The following CSMD2 variants were observed in gnomAD, a reference collection of about 807,000 sequenced individuals.
The protein encoded by CSMD2 is CUB and Sushi multiple domains 2.
In CSMD2, 130 loss-of-function variants were observed where a neutral mutation model predicts 398.5. The observed-to-expected ratio is 0.33, with a 90% confidence interval of 0.28 to 0.38. The LOEUF (loss-of-function observed/expected upper bound fraction) is 0.38, where lower values mean the gene tolerates loss of function less well. Ranked by LOEUF, CSMD2 falls within the 10% of genes least tolerant of loss-of-function variation. The probability of loss-of-function intolerance (pLI) is 1.00; values close to 1 mark genes in which losing one functional copy is unlikely to be tolerated. For synonymous variants in CSMD2, 1,828 were observed against 1,908.5 expected, an observed-to-expected ratio of 0.96 and a Z score of 1.10; for missense variants, 3,829 against 4,764.9, an observed-to-expected ratio of 0.80 and a Z score of 5.78.
intron 10 of CSMD2, among the ~76,000 whole-genome samples, chr1:33,808,776 G>A (rs1482189324): frequency 1.3e-5 from 2 of 151,610 alleles, no homozygotes; most frequent in Non-Finnish European, 3.0e-5. Flanking sequence ...TATATTAAAA[G>A]GAATAGTAAG....
At chr1:33,967,820 C>A (rs561425791) in intron 3 of CSMD2, among the ~76,000 whole-genome samples, 1 of 152,076 alleles carries the variant, frequency 6.6e-6, no homozygotes, top group Non-Finnish European at 1.5e-5. Context: ...AGAACCTCCA[C>A]GGGGCAGGAT....
chr1:34,066,036 G>A lies in CSMD2; in HGVS notation c.404+22941C>T, dbSNP rs527734803. 7.9e-5 allele frequency among the ~76,000 whole-genome samples: 12 copies of A among 152,242 alleles called. 1 individual carries two copies. In the South Asian group the frequency reaches 1.5e-3, roughly 18 times the overall value. On this transcript the variant is annotated intron_variant, in intron 2 of 70. Transcript: ENST00000373381. ...ACCTGGATCAGCCAGCTGTGTGACCGTAGGAAGACACTTCCTCCCTCCCTT... is the reference window on the plus strand; with the variant it reads ...ACCTGGATCAGCCAGCTGTGTGACCATAGGAAGACACTTCCTCCCTCCCTT...
Position 33,820,459 on chromosome 1 carries a change from T to A in CSMD2, c.1199+10A>T. 1 of 1,594,536 alleles carries A rather than the reference T, an allele frequency of 6.3e-7. No individual in the cohort carries two copies. Among genetic ancestry groups the A allele is most frequent in the Non-Finnish European group, 8.6e-7 (1 of 1,164,826 alleles). ...TTCTTGCAATCAGAAAATTCCCAAATAGATCTTACCTGAAATCCGAGCCTA... is the reference window on the plus strand; with the variant it reads ...TTCTTGCAATCAGAAAATTCCCAAAAAGATCTTACCTGAAATCCGAGCCTA... On this transcript the variant is annotated intron_variant, in intron 8 of 70. Transcript: ENST00000373381.
chr1:33,866,081 A>G (rs1640011457), intron 5 of CSMD2, among the ~76,000 whole-genome samples: 1 of 152,174 alleles, frequency 6.6e-6, no homozygotes, highest in Non-Finnish European at 1.5e-5. Context: ...AGGGACCTAC[A>G]CTTTCTACTC....
chr1:33,864,546 T>C, intron 5 of CSMD2: 1 of 1,614,016 alleles, frequency 6.2e-7, no homozygotes, highest in South Asian at 1.1e-5. Flanking sequence ...CCCGAACTGG[T>C]CGGTGGTGCA....
chr1:34,032,693 G>A lies in CSMD2; in HGVS notation c.418C>T (p.Gln140Ter). 2 of 1,589,408 alleles carry A rather than the reference G, an allele frequency of 1.3e-6. No individual in the cohort carries two copies. Among genetic ancestry groups the A allele is most frequent in the Non-Finnish European group, 8.6e-7 (1 of 1,167,268 alleles). ...GCACTAACAATGGTGGCTGGCAGCT[G>A]AAAGCCTGTGAGCCTGAAAGACAAA... The part of the protein sequence containing the change: ...ENLRTRLTGF[Q>*]LPATIVSAAT... The change falls in exon 3 of 71, where the codon CAG (glutamine) becomes TAG (stop). Residue 140 changes from glutamine (Q) to a stop codon, truncating the protein, a stop_gained. Coordinates refer to ENST00000373381, the MANE Select transcript of CSMD2 (RefSeq NM_001281956.2). LOFTEE classifies it high-confidence loss of function.
At chr1:33,560,247 C>G (rs758268889) in intron 53 of CSMD2, among the ~76,000 whole-genome samples, 1 of 152,160 alleles carries the variant, frequency 6.6e-6, no homozygotes, top group Non-Finnish European at 1.5e-5. Context: ...GTAGCAGCCT[C>G]CATCTGACTG....
chr1:34,026,817 C>T (rs1396735276), intron 3 of CSMD2, among the ~76,000 whole-genome samples: 6 of 152,098 alleles, frequency 3.9e-5, no homozygotes, highest in Admixed American at 3.9e-4. Flanking sequence ...TAGAGACACA[C>T]TGGGGGTAGA....
chr1:33,794,770 G>C (rs1654742464), intron 10 of CSMD2, among the ~76,000 whole-genome samples: 2 of 151,872 alleles, frequency 1.3e-5, no homozygotes, highest in Non-Finnish European at 2.9e-5. Flanking sequence ...TGGGATGTGA[G>C]CCTGTAGCAA....
chr1:33,918,025 A>C (rs1643813698), intron 5 of CSMD2, 69 bp downstream of exon 5: 2 of 1,436,186 alleles, frequency 1.4e-6, no homozygotes, highest in Non-Finnish European at 1.9e-6. Context: ...CACTGAGGAG[A>C]CTGCAAGCAT....
At chr1:33,575,554 C>A (rs1338675514) in intron 49 of CSMD2, among the ~76,000 whole-genome samples, 1 of 152,008 alleles carries the variant, frequency 6.6e-6, no homozygotes, top group Admixed American at 6.6e-5. Flanking sequence ...CAGTGGGAGG[C>A]AAGGGGTGCA....
chr1:33,937,178 A>G (rs1644506337), intron 3 of CSMD2, among the ~76,000 whole-genome samples: 1 of 152,256 alleles, frequency 6.6e-6, no homozygotes, highest in Admixed American at 6.5e-5. Flanking sequence ...TACAGTGAGT[A>G]CAACGCAAGT....
chr1:33,957,593 AAT>A (rs1645210301), intron 3 of CSMD2, among the ~76,000 whole-genome samples: 2 of 152,170 alleles, frequency 1.3e-5, no homozygotes, highest in Non-Finnish European at 2.9e-5. Context: ...GCTTAATGTC[AAT>A]GAGTTCTACA....
At chr1:33,975,360 T>C (rs1645919951) in intron 3 of CSMD2, among the ~76,000 whole-genome samples, 1 of 152,046 alleles carries the variant, frequency 6.6e-6, no homozygotes, top group Non-Finnish European at 1.5e-5. Context: ...CAGACTTTTC[T>C]TCACTGCTAT....
At chr1:34,017,018 T>C (rs72882627) in intron 3 of CSMD2, among the ~76,000 whole-genome samples, 2,001 of 152,328 alleles carry the variant, frequency 0.013, 39 homozygotes, top group African/African-American at 0.042. Context: ...TTCTTAGTGG[T>C]GCATAAAATA....
At chr1:34,088,495 G>C (rs1348970236) in intron 2 of CSMD2, among the ~76,000 whole-genome samples, 3 of 152,148 alleles carry the variant, frequency 2.0e-5, no homozygotes, top group Non-Finnish European at 4.4e-5. Context: ...CAGGGATGGG[G>C]GTTAAGAGGG....
chr1:33,789,833 G>A (rs928340239), intron 11 of CSMD2, among the ~76,000 whole-genome samples: 11 of 152,138 alleles, frequency 7.2e-5, no homozygotes, highest in African/African-American at 2.4e-4. Context: ...CCTGACTCTG[G>A]GGTGCTGATG....
intron 5 of CSMD2, among the ~76,000 whole-genome samples, chr1:33,876,436 G>A (rs1558040321): frequency 6.6e-6 from 1 of 152,114 alleles, no homozygotes; most frequent in East Asian, 1.9e-4. Flanking sequence ...TGTTTCTCAG[G>A]GTCATATGGG....
intron 2 of CSMD2, among the ~76,000 whole-genome samples, chr1:34,085,627 G>T (rs887184107): frequency 2.6e-5 from 4 of 152,062 alleles, no homozygotes; most frequent in Non-Finnish European, 5.9e-5. Context: ...AAGATTTTTT[G>T]AGGTTTAGGG....
Sources: allele counts gnomAD v4.1 joint callset (sites outside exome capture counted in the v4.1 genomes callset), GRCh38; gene constraint gnomAD v4.1.1; transcripts MANE v1.5; gene names NCBI Gene and HGNC (gene_info 2026-07-23, HGNC 2026-07-21).